PCDHA4: variants seen among roughly 807,000 people sequenced by gnomAD.
PCDHA4 encodes the protein protocadherin alpha-4.
PCDHA4 carries 49 observed loss-of-function variants against 61.4 expected under a neutral mutation model. That is an observed-to-expected ratio of 0.80 (90% CI 0.63 to 1.01). The LOEUF (loss-of-function observed/expected upper bound fraction) is 1.01, where lower values mean the gene tolerates loss of function less well. PCDHA4 is among the 50% of genes least tolerant of loss of function. The pLI is 0.00. For synonymous variants in PCDHA4, 590 were observed against 550.3 expected (o/e 1.07, Z -1.01); for missense variants, 1,254 against 1,235.8 (o/e 1.01, Z -0.22).
chr5:141,002,656 C>T lies in PCDHA4; in HGVS notation c.2534-6971C>T, dbSNP rs115710244. Among the ~76,000 whole-genome samples the T allele has an allele frequency of 3.7e-3, 571 of 152,302 alleles. 5 individuals are homozygous for T. The highest frequency in any genetic ancestry group is 0.013 in the African/African-American group (539 of 41,574). On this transcript the variant is annotated intron_variant, in intron 3 of 3. Coordinates refer to ENST00000530339, the MANE Select transcript of PCDHA4 (RefSeq NM_018907.4). The stretch of plus-strand genomic sequence containing the variant: ...CTAGAAATGTCTACTTCATAGGGCT[C>T]TTGTCAGGACCAAAACCTATACGAC...
chr5:140,892,408 G>C (rs1323060042), intron 1 of PCDHA4, among the ~76,000 whole-genome samples: 1 of 152,054 alleles, frequency 6.6e-6, no homozygotes, highest in Non-Finnish European at 1.5e-5. Context: ...TCAAGCTTCA[G>C]GTATTCTAGA....
intron 1 of PCDHA4, chr5:140,829,211 G>T: frequency 1.2e-6 from 2 of 1,614,206 alleles, no homozygotes; most frequent in Non-Finnish European, 1.7e-6. Context: ...CCTAATTAGC[G>T]TGAACGACCT....
intron 1 of PCDHA4, among the ~76,000 whole-genome samples, chr5:140,818,377 G>A (rs2150101074): frequency 2.0e-5 from 3 of 152,204 alleles, no homozygotes; most frequent in Non-Finnish European, 2.9e-5. Context: ...AACTTGAATC[G>A]TGGCATTTTT....
intron 1 of PCDHA4, among the ~76,000 whole-genome samples, chr5:140,935,292 G>A (rs782760921): frequency 3.0e-4 from 46 of 152,068 alleles, no homozygotes; most frequent in Non-Finnish European, 3.8e-4. Context: ...TCAGCACTCC[G>A]AGGTTTTTAC....
At chr5:140,968,947 C>T (rs1342316299) in intron 1 of PCDHA4, 6 of 1,614,042 alleles carry the variant, frequency 3.7e-6, no homozygotes, top group Non-Finnish European at 5.1e-6. Context: ...TCATTTTGAG[C>T]ATCATCAAGT....
intron 1 of PCDHA4, among the ~76,000 whole-genome samples, chr5:140,952,031 A>G (rs782611414): frequency 1.6e-4 from 24 of 152,232 alleles, no homozygotes; most frequent in Admixed American, 4.6e-4. Context: ...TCCGAAATCC[A>G]GTAGGGCAGT....
At chr5:140,862,877 G>A (rs782429840) in intron 1 of PCDHA4, 3 of 567,440 alleles carry the variant, frequency 5.3e-6, no homozygotes, top group African/African-American at 3.8e-5. Context: ...CCAGGTATTA[G>A]TGCTGGAACG....
chr5:140,929,024 C>T, intron 1 of PCDHA4: 1 of 1,614,172 alleles, frequency 6.2e-7, no homozygotes, highest in Non-Finnish European at 8.5e-7. Context: ...CACCAGAGCC[C>T]AGGCTGTTGC....
At chr5:140,837,048 T>A (rs1774890519) in intron 1 of PCDHA4, 1 of 199,144 alleles carries the variant, frequency 5.0e-6, no homozygotes. Flanking sequence ...ATCAAATATT[T>A]ACATTTCCAT....
At chr5:140,861,739 G>A (rs2047048069) in intron 1 of PCDHA4, 3 of 159,798 alleles carry the variant, frequency 1.9e-5, no homozygotes, top group Admixed American at 1.3e-4. Context: ...CTTACATACT[G>A]TGCCGCAATG....
intron 1 of PCDHA4, among the ~76,000 whole-genome samples, chr5:140,893,868 AGATC>A (rs1369386852): frequency 1.3e-5 from 2 of 152,168 alleles, no homozygotes; most frequent in Non-Finnish European, 2.9e-5. Context: ...GAAACAACCC[AGATC>A]CAAAGTGGCC....
chr5:140,822,807 T>TAA (rs2150119555), intron 1 of PCDHA4: 1 of 1,614,176 alleles, frequency 6.2e-7, no homozygotes, highest in South Asian at 1.1e-5. Flanking sequence ...ATGTGAATGA[T>TAA]AATACCCCAG....
chr5:140,870,334 G>T lies in PCDHA4; in HGVS notation c.2385+60762G>T, dbSNP rs180868237. The T allele has an allele frequency of 3.1e-6, 5 of 1,614,166 alleles. No individual in the cohort carries two copies. The highest frequency in any genetic ancestry group is 1.7e-5 in the Admixed American group (1 of 60,020). ...TTACTACTCGTTGGTGCTGGACAGCGCCCTGGACCGCGAGAACGTGTGGGC... is the reference window on the plus strand; with the variant it reads ...TTACTACTCGTTGGTGCTGGACAGCTCCCTGGACCGCGAGAACGTGTGGGC... On this transcript the variant is annotated intron_variant, in intron 1 of 3. Transcript: ENST00000530339.
chr5:140,856,835 C>T, intron 1 of PCDHA4: 2 of 1,591,090 alleles, frequency 1.3e-6, no homozygotes, highest in Non-Finnish European at 1.7e-6. Flanking sequence ...AGTAATACGG[C>T]TCAACGCTTC....
chr5:140,858,157 C>T (rs782793736), intron 1 of PCDHA4: 2 of 1,597,628 alleles, frequency 1.3e-6, no homozygotes, highest in Admixed American at 1.7e-5. Flanking sequence ...TCGCCATCTG[C>T]GCGGTGTCCA....
chr5:140,927,098 A>G (rs1554204018), intron 1 of PCDHA4: 4 of 1,613,286 alleles, frequency 2.5e-6, no homozygotes, highest in Non-Finnish European at 3.4e-6. Flanking sequence ...TTCGGGGTGG[A>G]TCTACCCAGC....
chr5:140,832,882 G>A (rs1772196387), intron 1 of PCDHA4, among the ~76,000 whole-genome samples: 2 of 152,140 alleles, frequency 1.3e-5, no homozygotes, highest in Admixed American at 6.6e-5. Flanking sequence ...GTTATAAAAT[G>A]GAAAGAGTTT....
At chr5:140,882,282 G>A in intron 1 of PCDHA4, 3 of 1,612,830 alleles carry the variant, frequency 1.9e-6, no homozygotes, top group Non-Finnish European at 2.5e-6. Context: ...CTGTCTTCCT[G>A]GCAAGGAGGC....
chr5:140,997,577 T>G (rs2097775398), intron 3 of PCDHA4, among the ~76,000 whole-genome samples: 1 of 152,186 alleles, frequency 6.6e-6, no homozygotes, highest in Admixed American at 6.5e-5. Flanking sequence ...GTGTGGTCCG[T>G]TGTTGACTGA....
Sources: allele counts gnomAD v4.1 joint callset (sites outside exome capture counted in the v4.1 genomes callset), GRCh38; gene constraint gnomAD v4.1.1; transcripts MANE v1.5; gene names NCBI Gene and HGNC (gene_info 2026-07-23, HGNC 2026-07-21).